CCNY: variants seen among roughly 807,000 people sequenced by gnomAD.
CCNY encodes cyclin-Y.
Under a neutral mutation model 42.8 loss-of-function variants are expected in CCNY, and 19 were observed. That is an observed-to-expected ratio of 0.44 (90% confidence interval 0.31 to 0.65). The LOEUF is 0.65. CCNY is among the 30% of genes least tolerant of loss of function. The probability of loss-of-function intolerance (pLI) is 0.07; values close to 1 mark genes in which losing one functional copy is unlikely to be tolerated. For synonymous variants in CCNY, 165 were observed against 162.7 expected (o/e 1.01, Z -0.11); for missense variants, 370 against 437.3 (o/e 0.85, Z 1.37).
At chr10:35,519,439 A>G (rs926344529) in intron 4 of CCNY, among the ~76,000 whole-genome samples, 2 of 152,158 alleles carry the variant, frequency 1.3e-5, no homozygotes, top group African/African-American at 4.8e-5. Context: ...TGGATTTTTA[A>G]CAGATCTTGA....
At chr10:35,477,740 C>G (rs1349189578) in intron 1 of CCNY, among the ~76,000 whole-genome samples, 2 of 152,152 alleles carry the variant, frequency 1.3e-5, no homozygotes, top group East Asian at 3.9e-4. Flanking sequence ...GACAGGGATG[C>G]CCTCTCTCGC....
intron 3 of CCNY, among the ~76,000 whole-genome samples, chr10:35,511,081 G>C (rs1229498175): frequency 6.6e-6 from 1 of 152,188 alleles, no homozygotes; most frequent in South Asian, 2.1e-4. Context: ...GCAGGCCCCT[G>C]CGGCCAGCTC....
chr10:35,534,829 A>G (rs1464394548), intron 7 of CCNY, among the ~76,000 whole-genome samples: 1 of 151,944 alleles, frequency 6.6e-6, no homozygotes, highest in African/African-American at 2.4e-5. Flanking sequence ...TATCAATAGT[A>G]TCTCATATGA....
At chr10:35,379,646 A>T (rs1374009394) in intron 1 of CCNY, among the ~76,000 whole-genome samples, 1 of 152,220 alleles carries the variant, frequency 6.6e-6, no homozygotes, top group Non-Finnish European at 1.5e-5. Context: ...GATGTGTTTC[A>T]GCTGATTTAG....
At chr10:35,475,476 C>A (rs529250231) in intron 1 of CCNY, among the ~76,000 whole-genome samples, 2 of 151,886 alleles carry the variant, frequency 1.3e-5, no homozygotes, top group East Asian at 3.9e-4. Context: ...AGAGTGGGGG[C>A]CAATATTCAG....
chr10:35,513,149 A>G (rs974559328), intron 3 of CCNY, among the ~76,000 whole-genome samples: 6 of 152,194 alleles, frequency 3.9e-5, no homozygotes, highest in African/African-American at 9.7e-5. Context: ...GTGTGAATAC[A>G]TGGACTAAAT....
chr10:35,428,717 A>C (rs1397045719), intron 1 of CCNY, among the ~76,000 whole-genome samples: 1 of 152,016 alleles, frequency 6.6e-6, no homozygotes, highest in African/African-American at 2.4e-5. Flanking sequence ...GTCTAGGTGG[A>C]AGATGGTGGA....
intron 8 of CCNY, among the ~76,000 whole-genome samples, chr10:35,562,026 G>A (rs1226426798): frequency 6.6e-6 from 1 of 152,244 alleles, no homozygotes; most frequent in African/African-American, 2.4e-5. Context: ...AGAGCAAGAA[G>A]TGGCAACCGC....
At chr10:35,332,770 A>G (rs573335491), upstream of CCNY, among the ~76,000 whole-genome samples, 174 of 152,002 alleles carry the variant, frequency 1.1e-3, 1 homozygote, top group Non-Finnish European at 1.9e-3. Context: ...ACGCCTGGCT[A>G]ATTTTTTGTA....
chr10:35,259,474 C>T (rs2095717783), intron 3 of CCNY, among the ~76,000 whole-genome samples: 1 of 150,512 alleles, frequency 6.6e-6, no homozygotes, highest in African/African-American at 2.4e-5. Flanking sequence ...TCGGCATAAA[C>T]CACCACACCC....
At chr10:35,292,624 G>T (rs764614116) in intron 3 of CCNY, among the ~76,000 whole-genome samples, 1 of 152,026 alleles carries the variant, frequency 6.6e-6, no homozygotes, top group Non-Finnish European at 1.5e-5. Context: ...GCCTCCCAAA[G>T]TGTTGGGATT....
intron 4 of CCNY, among the ~76,000 whole-genome samples, chr10:35,519,339 A>T (rs1840496863): frequency 6.6e-6 from 1 of 150,802 alleles, no homozygotes; most frequent in Non-Finnish European, 1.5e-5. Flanking sequence ...TTTTTAACAG[A>T]TCTTGATTGA....
At chr10:35,398,600 C>T (rs914552303) in intron 1 of CCNY, among the ~76,000 whole-genome samples, 6 of 151,868 alleles carry the variant, frequency 4.0e-5, no homozygotes, top group African/African-American at 9.7e-5. Flanking sequence ...ATATGGTTCT[C>T]GAGATGTCAT....
At chr10:35,377,408 G>T (rs2135186099) in intron 1 of CCNY, among the ~76,000 whole-genome samples, 1 of 152,266 alleles carries the variant, frequency 6.6e-6, no homozygotes, top group South Asian at 2.1e-4. Context: ...TGTTACGATT[G>T]CCCATAATAT....
At position 35,532,829 on chromosome 10, in the gene CCNY, C is replaced by T. The variant is rs868658804; in HGVS notation, c.579+2586C>T. Among the ~76,000 whole-genome samples the T allele has an allele frequency of 3.9e-5, 6 of 152,198 alleles. No individual in the cohort carries two copies. The East Asian group carries it at 5.8e-4, about 15-fold the overall frequency. On this transcript the variant is annotated intron_variant, in intron 7 of 9. Transcript: ENST00000374704. The stretch of plus-strand genomic sequence containing the variant: ...GCATGGCACCCACTTTAGTCCTATG[C>T]GGTACTTCGACAACATGAAAAGCTC...
intron 4 of CCNY, among the ~76,000 whole-genome samples, chr10:35,522,976 C>G (rs7072266): frequency 2.6e-5 from 4 of 151,894 alleles, no homozygotes; most frequent in Non-Finnish European, 1.5e-5. Context: ...CCTGGCTGTT[C>G]GGGTGAATGC....
chr10:35,510,104 CCTT>C (rs1476606097), intron 3 of CCNY, among the ~76,000 whole-genome samples: 1 of 152,060 alleles, frequency 6.6e-6, no homozygotes, highest in Non-Finnish European at 1.5e-5. Flanking sequence ...AGTTTGCCCT[CCTT>C]AAGATTAAAA....
chr10:35,397,999 A>G (rs1473761797), intron 1 of CCNY, among the ~76,000 whole-genome samples: 1 of 151,892 alleles, frequency 6.6e-6, no homozygotes, highest in Non-Finnish European at 1.5e-5. Flanking sequence ...GTGAGACCAG[A>G]CTCTGTTCTC....
At chr10:35,492,347 G>A (rs911808314) in intron 2 of CCNY, among the ~76,000 whole-genome samples, 2 of 152,232 alleles carry the variant, frequency 1.3e-5, no homozygotes, top group Non-Finnish European at 2.9e-5. Context: ...TGCCTCATAG[G>A]TGATGCTTCC....
Sources: allele counts gnomAD v4.1 joint callset (sites outside exome capture counted in the v4.1 genomes callset), GRCh38; gene constraint gnomAD v4.1.1; transcripts MANE v1.5; gene names NCBI Gene and HGNC (gene_info 2026-07-23, HGNC 2026-07-21).